The following NEBL variants were observed in gnomAD, a reference collection of about 807,000 sequenced individuals.
The protein encoded by NEBL is LIM and SH3 protein 2.
In NEBL, 122 loss-of-function variants were observed where a neutral mutation model predicts 140.2. The observed-to-expected ratio is 0.87, with a 90% confidence interval of 0.75 to 1.01. The LOEUF (loss-of-function observed/expected upper bound fraction) is 1.01, where lower values mean the gene tolerates loss of function less well. NEBL is among the 50% of genes least tolerant of loss of function. The pLI, the probability that NEBL is intolerant of heterozygous loss-of-function variation, is 0.00. For synonymous variants in NEBL, 436 were observed against 398.9 expected (o/e 1.09, Z -1.11); for missense variants, 1,365 against 1,231.3 (o/e 1.11, Z -1.62).
chr10:21,115,400 A>C, intron 2 of NEBL, among the ~76,000 whole-genome samples: 1 of 152,040 alleles, frequency 6.6e-6, no homozygotes, highest in East Asian at 1.9e-4. Flanking sequence ...CTTTCTGTCT[A>C]AAAGCCTTCT....
intron 2 of NEBL, among the ~76,000 whole-genome samples, chr10:21,077,425 G>A (rs771969850): frequency 2.6e-5 from 4 of 151,984 alleles, no homozygotes; most frequent in Non-Finnish European, 4.4e-5. Flanking sequence ...TAACAACATG[G>A]TGAAACCCCA....
chr10:21,208,594 G>A (rs779885201), intron 3 of NEBL, among the ~76,000 whole-genome samples: 4 of 152,196 alleles, frequency 2.6e-5, no homozygotes, highest in Non-Finnish European at 5.9e-5. Flanking sequence ...ACAGAACAGT[G>A]AGGGTCAGCA....
chr10:21,115,044 C>T (rs1163405149), intron 2 of NEBL, among the ~76,000 whole-genome samples: 1 of 151,616 alleles, frequency 6.6e-6, no homozygotes, highest in African/African-American at 2.4e-5. Flanking sequence ...TCTTTATTGG[C>T]TTATTAGCTA....
chr10:20,935,581 G>C (rs975605469), intron 4 of NEBL, among the ~76,000 whole-genome samples: 1 of 152,092 alleles, frequency 6.6e-6, no homozygotes. Context: ...GACTGATTCT[G>C]GAATCTGTGC....
rs971287696 is a variant in NEBL at position 20,782,349 on chromosome 10, C to A, written c.*3398G>T. The A allele has an allele frequency of 3.9e-5, 6 of 152,588 alleles. No homozygotes were observed. Among genetic ancestry groups the A allele is most frequent in the African/African-American group, 1.4e-4 (6 of 41,440 alleles). 9.5% of individuals were successfully genotyped at this position (152,588 alleles called of 1,614,324 possible). ...TTTTGGTATATCTTTTATCCACTTTCTATAGGGATGTGTTATTAAAGATCA... is the reference window on the plus strand; with the variant it reads ...TTTTGGTATATCTTTTATCCACTTTATATAGGGATGTGTTATTAAAGATCA... On this transcript the variant is annotated 3_prime_UTR_variant, in exon 28 of 28. Transcript: ENST00000377122.
intron 21 of NEBL, 120 bp downstream of exon 21, chr10:20,817,480 A>T (rs1291242635): frequency 3.4e-6 from 3 of 872,152 alleles, no homozygotes; most frequent in African/African-American, 3.3e-5. Flanking sequence ...ATAAGTTGTT[A>T]GTCAAATGAG....
At chr10:21,112,839 A>G in intron 2 of NEBL, 1 of 231,052 alleles carries the variant, frequency 4.3e-6, no homozygotes, top group Non-Finnish European at 8.7e-6. Flanking sequence ...CTTACAGTTG[A>G]AGTGTGGTTC....
chr10:21,055,479 C>T (rs1438669583), intron 2 of NEBL, among the ~76,000 whole-genome samples: 1 of 152,120 alleles, frequency 6.6e-6, no homozygotes, highest in Non-Finnish European at 1.5e-5. Context: ...ACCAAATGAT[C>T]GTGTGACATA....
At chr10:20,936,153 C>A (rs534663796) in intron 4 of NEBL, among the ~76,000 whole-genome samples, 52 of 152,210 alleles carry the variant, frequency 3.4e-4, no homozygotes, top group African/African-American at 1.2e-3. Context: ...ACAAAACTAC[C>A]AATTATTAAG....
At chr10:21,125,363 G>A (rs943708757) in intron 2 of NEBL, among the ~76,000 whole-genome samples, 1 of 152,070 alleles carries the variant, frequency 6.6e-6, no homozygotes, top group Non-Finnish European at 1.5e-5. Flanking sequence ...CCTATGAAAG[G>A]GATGTTTCAG....
chr10:20,860,445 T>C (rs1165751673), intron 7 of NEBL, among the ~76,000 whole-genome samples: 1 of 149,722 alleles, frequency 6.7e-6, no homozygotes, highest in Non-Finnish European at 1.5e-5. Context: ...AAAGCACTCT[T>C]AAAACAACCA....
chr10:21,028,622 A>C (rs978019598), intron 2 of NEBL, among the ~76,000 whole-genome samples: 10 of 152,230 alleles, frequency 6.6e-5, no homozygotes, highest in Non-Finnish European at 1.5e-4. Context: ...GAAAGGTTAG[A>C]ATATTATTGA....
chr10:20,951,576 C>A (rs1835466174), intron 4 of NEBL, among the ~76,000 whole-genome samples: 1 of 152,066 alleles, frequency 6.6e-6, no homozygotes, highest in Admixed American at 6.6e-5. Flanking sequence ...AATTAAATCT[C>A]TATACAATGT....
At chr10:21,141,046 C>T (rs1391138073) in intron 2 of NEBL, among the ~76,000 whole-genome samples, 1 of 116,586 alleles carries the variant, frequency 8.6e-6, no homozygotes, top group South Asian at 2.9e-4. Context: ...AAATATAAAA[C>T]AAGAGGTATT....
chr10:20,934,997 C>A (rs529125526), intron 4 of NEBL, among the ~76,000 whole-genome samples: 2 of 152,174 alleles, frequency 1.3e-5, no homozygotes, highest in South Asian at 4.1e-4. Context: ...AAGCAAAGTG[C>A]CACACGATTT....
intron 2 of NEBL, among the ~76,000 whole-genome samples, chr10:21,163,799 T>C (rs1840652444): frequency 6.6e-6 from 1 of 152,206 alleles, no homozygotes; most frequent in South Asian, 2.1e-4. Context: ...CTAGTTCTCT[T>C]CTGGCTCCTC....
intron 4 of NEBL, among the ~76,000 whole-genome samples, chr10:20,947,993 G>A (rs1226771728): frequency 6.6e-6 from 1 of 152,254 alleles, no homozygotes; most frequent in Non-Finnish European, 1.5e-5. Context: ...AAAGGTACAT[G>A]TATAAATCTC....
At chr10:21,029,823 T>G in intron 2 of NEBL, 6 of 706,260 alleles carry the variant, frequency 8.5e-6, no homozygotes, top group Non-Finnish European at 1.6e-5. Flanking sequence ...CATTCCTGGA[T>G]AGGCAGTGGC....
intron 3 of NEBL, among the ~76,000 whole-genome samples, chr10:21,212,182 G>A (rs1295273594): frequency 6.6e-6 from 1 of 150,988 alleles, no homozygotes; most frequent in Non-Finnish European, 1.5e-5. Flanking sequence ...ATATAATACT[G>A]TGTACAATAT....
Sources: allele counts gnomAD v4.1 joint callset (sites outside exome capture counted in the v4.1 genomes callset), GRCh38; gene constraint gnomAD v4.1.1; transcripts MANE v1.5; gene names NCBI Gene and HGNC (gene_info 2026-07-23, HGNC 2026-07-21).